Variants in ADCY9 observed in about 807,000 individuals in gnomAD.
The protein encoded by ADCY9 is adenylate cyclase 9.
In ADCY9, 50 loss-of-function variants were observed where a neutral mutation model predicts 101.5. The ratio of observed to expected loss-of-function variants is 0.49; its 90% CI spans 0.39 to 0.62. The LOEUF (loss-of-function observed/expected upper bound fraction) is 0.62. Among genes scored for constraint, ADCY9 ranks in the 20% least tolerant of loss-of-function variants. The pLI is 0.00. For missense variants in ADCY9, 1,662 were observed against 1,800.4 expected (o/e 0.92, Z 1.39); for synonymous variants, 905 against 769.3 (o/e 1.18, Z -2.92).
intron 6 of ADCY9, among the ~76,000 whole-genome samples, chr16:3,985,583 C>A (rs536469599): frequency 6.6e-6 from 1 of 152,286 alleles, no homozygotes; most frequent in Admixed American, 6.5e-5. Context: ...CCTGAGACAT[C>A]ACTGCCTTGC....
intron 2 of ADCY9, among the ~76,000 whole-genome samples, chr16:4,045,387 G>C (rs530296004): frequency 6.6e-6 from 1 of 152,052 alleles, no homozygotes; most frequent in South Asian, 2.1e-4. Flanking sequence ...ACAAGGTCAG[G>C]AGTTCGCGAC....
Position 3,972,885 on chromosome 16 carries a change from C to A in ADCY9, c.2870+1784G>T, listed in dbSNP as rs527588857. ...CTCTGGTGAAAATGCACTGAGCTGT[C>A]CTTTTATGATCAGGTACTCTTCTGT... On this transcript the variant is annotated intron_variant, in intron 10 of 10. Transcript: ENST00000294016. Among the ~76,000 whole-genome samples the A allele has an allele frequency of 1.0e-3, 155 of 151,968 alleles. 1 individual carries two copies. Among genetic ancestry groups the A allele is most frequent in the African/African-American group, 3.4e-3 (142 of 41,448 alleles).
intron 2 of ADCY9, among the ~76,000 whole-genome samples, chr16:4,038,832 C>T (rs182375326): frequency 6.6e-5 from 10 of 152,240 alleles, no homozygotes; most frequent in Non-Finnish European, 1.3e-4. Flanking sequence ...TTTCCTTCCA[C>T]TCCCACTGCC....
Position 3,992,272 on chromosome 16 carries a change from T to C in ADCY9, c.2081A>G (p.Glu694Gly), listed in dbSNP as rs770201418. ...CCACCTTCCCTTCTCCTGCAAGATCTCACACAGAGAAGTCTGACTGTTGGT... is the reference window on the plus strand; with the variant it reads ...CCACCTTCCCTTCTCCTGCAAGATCCCACACAGAGAAGTCTGACTGTTGGT... ...KLTNSQTSLC[E>G]ILQEKGRWAG... The change falls in exon 5 of 11, where the codon GAG becomes GGG. Residue 694 changes from glutamate (E) to glycine (G), a missense_variant. By Grantham distance (98) the Glu-to-Gly change is moderately conservative. This residue lies in a region of ADCY9 where 624 missense variants were observed against 639.1 expected (regional missense o/e 0.98). Transcript: ENST00000294016. This position sits in a 1 kb window ranked among gnomAD's most constrained non-coding sequence, Gnocchi z 4.2. The C allele has an allele frequency of 6.2e-7, 1 of 1,614,162 alleles. No homozygotes were observed. Among genetic ancestry groups the C allele is most frequent in the African/African-American group, 1.3e-5 (1 of 75,032 alleles).
chr16:4,059,595 T>C (rs1178808021), intron 2 of ADCY9, among the ~76,000 whole-genome samples: 1 of 151,910 alleles, frequency 6.6e-6, no homozygotes, highest in East Asian at 1.9e-4. Context: ...TTGAAAAATG[T>C]TTATTCAAGA....
At chr16:4,113,682 C>CT (rs1022919256) in intron 2 of ADCY9, 68 bp downstream of exon 2, 775 of 1,340,198 alleles carry the variant, frequency 5.8e-4, no homozygotes, top group South Asian at 7.6e-4. Flanking sequence ...AGGCTGGAAG[C>CT]TTTTTTTTTT....
At chr16:4,037,805 T>C (rs533075024) in intron 2 of ADCY9, among the ~76,000 whole-genome samples, 22 of 152,336 alleles carry the variant, frequency 1.4e-4, no homozygotes, top group African/African-American at 3.8e-4. Flanking sequence ...TACAGAGTCC[T>C]ACACAGGGTT....
chr16:4,033,766 G>C (rs2056572111), intron 2 of ADCY9, among the ~76,000 whole-genome samples: 1 of 152,126 alleles, frequency 6.6e-6, no homozygotes. Context: ...CAAAATGCCT[G>C]GGTTCAGATC....
In ADCY9 at chr16:3,964,634, G is replaced by A. The variant is rs912097758; in HGVS notation, c.*1141C>T. 23 of 152,840 alleles carry A rather than the reference G, an allele frequency of 1.5e-4. No individual in the cohort carries two copies. The highest frequency in any genetic ancestry group is 5.5e-4 in the African/African-American group (23 of 41,472). 9.5% of individuals were successfully genotyped at this position (152,840 alleles called of 1,614,324 possible). A position where few individuals can be genotyped will look rare whatever the true frequency, so the allele number is the denominator to read the frequency against. On this transcript the variant is annotated 3_prime_UTR_variant, in exon 11 of 11. Transcript: ENST00000294016. ...GTGGTTCTGAGCTGGACCCCGGCAG[G>A]GAGGAGCCCCCGTGGGTGGCAGGGG...
chr16:4,101,147 T>A (rs1277321084), intron 2 of ADCY9, among the ~76,000 whole-genome samples: 1 of 152,212 alleles, frequency 6.6e-6, no homozygotes, highest in Non-Finnish European at 1.5e-5. Context: ...CCATTTAGTA[T>A]CCCTTTCTGG....
intron 10 of ADCY9, among the ~76,000 whole-genome samples, chr16:3,967,683 C>G: frequency 6.8e-6 from 1 of 146,438 alleles, no homozygotes; most frequent in East Asian, 2.0e-4. Context: ...TTGAACTGTG[C>G]TTGGCCTAAC....
rs1597236801 is a variant in ADCY9 at position 4,114,476 on chromosome 16, G to A, written c.967C>T (p.Leu323=). 1 of 1,614,142 alleles carries A rather than the reference G, an allele frequency of 6.2e-7. No individual in the cohort carries two copies. The highest frequency in any genetic ancestry group is 8.5e-7 in the Non-Finnish European group (1 of 1,180,042). Reference sequence around the variant, plus strand: ...TCTTTGAGGGCTTTTTCCACTTCCAGGTCCTTCCCGTGCATAATGGATTGC... The same window carrying A: ...TCTTTGAGGGCTTTTTCCACTTCCAAGTCCTTCCCGTGCATAATGGATTGC... ...VGQSIMHGKD[L]EVEKALKERM... is the part of the protein sequence containing the mutation. The change falls in exon 2 of 11, where the codon CTG becomes TTG. Residue 323 remains leucine (L), a synonymous_variant. Transcript: ENST00000294016. This position sits in a 1 kb window ranked among gnomAD's most constrained non-coding sequence, Gnocchi z 4.3.
chr16:4,019,914 C>A (rs1359263631), intron 2 of ADCY9, among the ~76,000 whole-genome samples: 2 of 152,066 alleles, frequency 1.3e-5, no homozygotes, highest in Non-Finnish European at 2.9e-5. Flanking sequence ...CCTGTCTCCA[C>A]TAAAAATACA....
intron 3 of ADCY9, among the ~76,000 whole-genome samples, chr16:4,006,422 G>A (rs1470482236): frequency 2.0e-5 from 3 of 152,174 alleles, no homozygotes; most frequent in African/African-American, 7.2e-5. Flanking sequence ...TATGTATTCT[G>A]ACCCAGTAAG....
chr16:4,042,486 A>C (rs1252194492), intron 2 of ADCY9, among the ~76,000 whole-genome samples: 1 of 152,200 alleles, frequency 6.6e-6, no homozygotes, highest in Non-Finnish European at 1.5e-5. Flanking sequence ...CCTTCTGAAA[A>C]ATCAGTTTTT....
intron 3 of ADCY9, among the ~76,000 whole-genome samples, chr16:4,003,845 T>G (rs548014270): frequency 5.9e-5 from 9 of 152,246 alleles, no homozygotes; most frequent in African/African-American, 2.2e-4. Context: ...TCCTCATGTC[T>G]AATGCTTACT....
At chr16:4,089,556 T>C (rs894587219) in intron 2 of ADCY9, among the ~76,000 whole-genome samples, 1 of 152,132 alleles carries the variant, frequency 6.6e-6, no homozygotes, top group East Asian at 1.9e-4. Flanking sequence ...AGTTTTTGTG[T>C]GGATGTGTGT....
intron 2 of ADCY9, among the ~76,000 whole-genome samples, chr16:4,017,127 A>G (rs1428389629): frequency 7.2e-6 from 1 of 138,882 alleles, no homozygotes; most frequent in South Asian, 2.2e-4. Flanking sequence ...CTGTGTCACT[A>G]TGCTCCAGCC....
chr16:4,115,232 C>T lies in ADCY9; in HGVS notation c.211G>A (p.Gly71Ser), dbSNP rs1215592437. 1 of 1,613,316 alleles carries T rather than the reference C, an allele frequency of 6.2e-7. No homozygotes were observed. Among genetic ancestry groups the T allele is most frequent in the East Asian group, 2.2e-5 (1 of 44,854 alleles). ...GGVPRRVGGG[G>S]RLRRQKKLPQ... ...AGCTTCTTCTGCCTGCGCAGCCGGCCTCCGCCGCCCACTCGCCGGGGGACG... is the reference window on the plus strand; with the variant it reads ...AGCTTCTTCTGCCTGCGCAGCCGGCTTCCGCCGCCCACTCGCCGGGGGACG... Residue 71 changes from glycine to serine, a missense_variant, in exon 2 of 11, where the codon GGC becomes AGC. This residue lies in a region of ADCY9 where 422 missense variants were observed against 392.0 expected (regional missense o/e 1.08). Transcript: ENST00000294016. This position sits in a 1 kb window ranked among gnomAD's most constrained non-coding sequence, Gnocchi z 6.2.
Sources: allele counts gnomAD v4.1 joint callset (sites outside exome capture counted in the v4.1 genomes callset), GRCh38; gene constraint gnomAD v4.1.1; regional missense constraint gnomAD v4.1.1; non-coding constraint Gnocchi (gnomAD v3.1); transcripts MANE v1.5; gene names NCBI Gene and HGNC (gene_info 2026-07-23, HGNC 2026-07-21).